Variants in ZNF385D observed in about 807,000 individuals in gnomAD.
ZNF385D encodes zinc finger protein 659.
A neutral mutation model predicts 35.8 loss-of-function variants in ZNF385D; 15 were observed. The ratio of observed to expected loss-of-function variants is 0.42; its 90% CI spans 0.28 to 0.64. ZNF385D has a LOEUF of 0.64. ZNF385D is among the 30% of genes least tolerant of loss of function. The pLI, the probability that ZNF385D is intolerant of heterozygous loss-of-function variation, is 0.23. For missense variants in ZNF385D, 474 were observed against 494.6 expected, an observed-to-expected ratio of 0.96 and a Z score of 0.39; for synonymous variants, 212 against 186.8, an observed-to-expected ratio of 1.13 and a Z score of -1.10.
At chr3:21,884,126 G>T (rs1698417017) in intron 3 of ZNF385D, among the ~76,000 whole-genome samples, 1 of 151,946 alleles carries the variant, frequency 6.6e-6, no homozygotes, top group African/African-American at 2.4e-5. Flanking sequence ...TTACCATTTT[G>T]CAAGAAATAA....
chr3:22,260,021 C>A (rs569527854), intron 2 of ZNF385D, among the ~76,000 whole-genome samples: 15 of 151,800 alleles, frequency 9.9e-5, no homozygotes, highest in Non-Finnish European at 2.1e-4. Flanking sequence ...AATGTGTGAG[C>A]AAAATATGCA....
intron 2 of ZNF385D, among the ~76,000 whole-genome samples, chr3:22,218,053 A>G (rs1698004477): frequency 6.6e-6 from 1 of 152,134 alleles, no homozygotes; most frequent in South Asian, 2.1e-4. Flanking sequence ...CTTTCACCTT[A>G]TAGTTAAGAG....
intron 2 of ZNF385D, among the ~76,000 whole-genome samples, chr3:21,657,997 A>C (rs1296521057): frequency 1.3e-5 from 2 of 151,962 alleles, no homozygotes; most frequent in African/African-American, 2.4e-5. Flanking sequence ...GAAGGAGACA[A>C]AGATTCTGAA....
intron 3 of ZNF385D, among the ~76,000 whole-genome samples, chr3:21,912,445 T>G (rs919552118): frequency 2.0e-5 from 3 of 152,054 alleles, no homozygotes; most frequent in Admixed American, 1.3e-4. Flanking sequence ...GATACCTGCT[T>G]GATGGTAAAG....
chr3:22,318,936 G>A (rs1208467243), intron 2 of ZNF385D, among the ~76,000 whole-genome samples: 3 of 152,160 alleles, frequency 2.0e-5, no homozygotes, highest in Non-Finnish European at 4.4e-5. Flanking sequence ...TCCCTAGAAT[G>A]CATTTTTTGA....
chr3:22,103,001 T>C (rs962682968), intron 3 of ZNF385D, among the ~76,000 whole-genome samples: 18 of 150,362 alleles, frequency 1.2e-4, no homozygotes, highest in African/African-American at 4.1e-4. Context: ...ATATACTGTA[T>C]ATATATAAGT....
At chr3:22,159,994 G>A (rs1705843186) in intron 3 of ZNF385D, among the ~76,000 whole-genome samples, 1 of 151,950 alleles carries the variant, frequency 6.6e-6, no homozygotes, top group Admixed American at 6.6e-5. Flanking sequence ...TGTCAAAGGA[G>A]AGACCATGTG....
intron 3 of ZNF385D, among the ~76,000 whole-genome samples, chr3:21,543,586 C>G (rs1417086574): frequency 2.0e-5 from 3 of 152,166 alleles, no homozygotes; most frequent in East Asian, 1.9e-4. Flanking sequence ...GGGTTCTACT[C>G]CATCCGACAG....
chr3:21,426,210 A>G (rs1387531435), intron 5 of ZNF385D, among the ~76,000 whole-genome samples: 1 of 152,150 alleles, frequency 6.6e-6, no homozygotes, highest in African/African-American at 2.4e-5. Context: ...TTTAGGTTCC[A>G]AGTGAGAGTA....
intron 2 of ZNF385D, 87 bp downstream of exon 2, chr3:21,664,799 G>T: frequency 6.5e-7 from 1 of 1,549,154 alleles, no homozygotes; most frequent in Non-Finnish European, 8.9e-7. Context: ...ATAGCAAAAT[G>T]GAGGCAGTGG....
chr3:21,777,475 AAT>A (rs1304474143), intron 3 of ZNF385D: 1 of 151,896 alleles, frequency 6.6e-6, no homozygotes, highest in African/African-American at 2.4e-5. Flanking sequence ...CCAAGTTCTG[AAT>A]GCAGCCTATT....
At chr3:22,288,072 A>G (rs1024054895) in intron 2 of ZNF385D, among the ~76,000 whole-genome samples, 2 of 152,072 alleles carry the variant, frequency 1.3e-5, no homozygotes, top group Non-Finnish European at 2.9e-5. Context: ...GTATTCTGAA[A>G]TATCAAACCA....
At chr3:21,798,092 G>A (rs1311713849) in intron 3 of ZNF385D, among the ~76,000 whole-genome samples, 1 of 152,158 alleles carries the variant, frequency 6.6e-6, no homozygotes. Flanking sequence ...CTCTGGTGGG[G>A]GATTTTGATA....
At chr3:22,120,418 A>C (rs1020687555) in intron 3 of ZNF385D, among the ~76,000 whole-genome samples, 1 of 152,104 alleles carries the variant, frequency 6.6e-6, no homozygotes, top group Non-Finnish European at 1.5e-5. Flanking sequence ...ATTAAGGACT[A>C]TACCCTTATG....
chr3:22,173,425 C>A (rs189324226), intron 2 of ZNF385D, among the ~76,000 whole-genome samples: 27 of 152,136 alleles, frequency 1.8e-4, no homozygotes, highest in African/African-American at 6.3e-4. Flanking sequence ...GGAACTCTAC[C>A]AATTTGGCAA....
chr3:22,070,461 A>T (rs1700176463), intron 3 of ZNF385D, among the ~76,000 whole-genome samples: 1 of 152,126 alleles, frequency 6.6e-6, no homozygotes, highest in South Asian at 2.1e-4. Flanking sequence ...GTTGTATTTT[A>T]TAAGAGAGAG....
chr3:21,624,614 T>C (rs1429621892), intron 2 of ZNF385D, among the ~76,000 whole-genome samples: 2 of 151,988 alleles, frequency 1.3e-5, no homozygotes, highest in South Asian at 2.1e-4. Context: ...TTCCCAACTT[T>C]CCAGAGAAAC....
rs142920318 is a variant in ZNF385D, at chr3:21,734,327, G to C, written c.22+16568C>G. ...TGTTGGAGAAACACGGGAATTCAGA[G>C]AAAAGAATAATTACTTTTTGTAAAG... is the stretch of plus-strand genomic sequence containing the variant. On this transcript the variant is annotated intron_variant, in intron 1 of 7. Transcript: ENST00000281523. 4.3e-3 allele frequency among the ~76,000 whole-genome samples: 649 copies of C among 151,026 alleles called. 6 individuals carry two copies. Among genetic ancestry groups the C allele is most frequent in the African/African-American group, 0.014 (593 of 41,366 alleles).
intron 3 of ZNF385D, among the ~76,000 whole-genome samples, chr3:21,548,983 T>A (rs2062477048): frequency 6.6e-6 from 1 of 152,218 alleles, no homozygotes; most frequent in African/African-American, 2.4e-5. Context: ...ACAAAACAAT[T>A]TATGAGTTGT....
Sources: gnomAD v4.1 joint callset for allele counts (sites outside exome capture counted in the v4.1 genomes callset) on GRCh38, gnomAD v4.1.1 for gene constraint, MANE v1.5 for transcripts, NCBI Gene and HGNC (gene_info 2026-07-23, HGNC 2026-07-21) for gene names.